NFIA: variants seen among roughly 807,000 people sequenced by gnomAD.
NFIA encodes the protein nuclear factor 1 A-type.
Under a neutral mutation model 62.8 loss-of-function variants are expected in NFIA, and 8 were observed. The observed-to-expected ratio is 0.13, with a 90% CI of 0.07 to 0.23. The LOEUF is 0.23. Ranked by LOEUF, NFIA falls within the 10% of genes least tolerant of loss-of-function variation. The pLI is 1.00. For missense variants in NFIA, 410 were observed against 642.1 expected, an observed-to-expected ratio of 0.64 and a Z score of 3.91; for synonymous variants, 235 against 238.1, an observed-to-expected ratio of 0.99 and a Z score of 0.12.
chr1:61,197,342 G>C (rs1393851256), intron 2 of NFIA, among the ~76,000 whole-genome samples: 2 of 148,736 alleles, frequency 1.3e-5, no homozygotes, highest in Non-Finnish European at 3.0e-5. Context: ...GGGTTCAAGC[G>C]ATTCTTCTGC....
chr1:61,247,987 A>C (rs770082788), intron 2 of NFIA, among the ~76,000 whole-genome samples: 6 of 152,110 alleles, frequency 3.9e-5, no homozygotes, highest in Non-Finnish European at 7.4e-5. Flanking sequence ...TAAAGGACTA[A>C]ATTTCCTTTT....
At chr1:61,164,876 C>T (rs1027337554) in intron 2 of NFIA, among the ~76,000 whole-genome samples, 1 of 152,110 alleles carries the variant, frequency 6.6e-6, no homozygotes, top group Non-Finnish European at 1.5e-5. Context: ...AACATGAAAC[C>T]CAACTGCAGG....
intron 9 of NFIA, among the ~76,000 whole-genome samples, chr1:61,408,118 A>G (rs1665935502): frequency 6.6e-6 from 1 of 152,262 alleles, no homozygotes; most frequent in Non-Finnish European, 1.5e-5. Flanking sequence ...ATATGCAGAA[A>G]TGAGCAGCAC....
intron 6 of NFIA, among the ~76,000 whole-genome samples, chr1:61,379,402 C>CTTTTTTTTTTTTTTTTTTTTTTTTTT (rs60735193): frequency 3.1e-5 from 3 of 98,266 alleles, no homozygotes; most frequent in Non-Finnish European, 5.9e-5. Flanking sequence ...TTTTCTTTTT[C>CTTTTTTTTTTTTTTTTTTTTTTTTTT]TTTTTTTTTT....
chr1:61,407,527 T>C (rs138351435), intron 9 of NFIA, among the ~76,000 whole-genome samples: 1 of 152,332 alleles, frequency 6.6e-6, no homozygotes, highest in East Asian at 1.9e-4. Context: ...TGCCTTTTAT[T>C]AGTGCCTGGA....
chr1:61,096,547 C>CTTTTTTTTTTTTTTTTT (rs369305204), intron 2 of NFIA, among the ~76,000 whole-genome samples: 1 of 80,606 alleles, frequency 1.2e-5, no homozygotes, highest in African/African-American at 5.4e-5. Flanking sequence ...AAGATTAGTT[C>CTTTTTTTTTTTTTTTTT]TTTTTTTTTT....
chr1:61,302,791 A>G (rs1659559390), intron 3 of NFIA, among the ~76,000 whole-genome samples: 1 of 152,188 alleles, frequency 6.6e-6, no homozygotes, highest in Middle Eastern at 3.2e-3. Context: ...TTCCTATTCA[A>G]TATGTATTTT....
intron 2 of NFIA, among the ~76,000 whole-genome samples, chr1:61,267,288 C>T (rs1049625953): frequency 6.6e-6 from 1 of 152,158 alleles, no homozygotes; most frequent in African/African-American, 2.4e-5. Flanking sequence ...GTGGGTGGAT[C>T]ACCTGAGGTC....
chr1:61,414,545 T>TGTTTTG (rs200174667), intron 9 of NFIA, among the ~76,000 whole-genome samples: 1 of 151,344 alleles, frequency 6.6e-6, no homozygotes, highest in African/African-American at 2.4e-5. Flanking sequence ...TGTTTTGTTT[T>TGTTTTG]TTTTTTTCAG....
Position 61,458,704 on chromosome 1 carries a change from T to TG in NFIA, c.*3385dup, listed in dbSNP as rs1491395062. Reference sequence around the variant, plus strand: ...CCTGTTTCCTTTTTTTTTTTTTTTTTGTAAGTATTTAAATACAATTATTTT... The same window carrying TG: ...CCTGTTTCCTTTTTTTTTTTTTTTTTGGTAAGTATTTAAATACAATTATTTT... On this transcript the variant is annotated 3_prime_UTR_variant, in exon 11 of 11. Coordinates refer to ENST00000403491, the MANE Select transcript of NFIA (RefSeq NM_001134673.4). 1 of 139,306 alleles carries TG rather than the reference T, an allele frequency of 7.2e-6. No homozygotes were observed. Among genetic ancestry groups the TG allele is most frequent in the Non-Finnish European group, 1.5e-5 (1 of 65,838 alleles). The allele number at this position is 139,306 out of a possible 1,614,324, so 8.6% of individuals were successfully genotyped here.
chr1:61,268,884 G>A (rs1275814568), intron 2 of NFIA, among the ~76,000 whole-genome samples: 1 of 151,998 alleles, frequency 6.6e-6, no homozygotes, highest in African/African-American at 2.4e-5. Context: ...ATGCATTATA[G>A]CCATCATCCC....
At chr1:61,150,253 GTCCCCCCA>G (rs1254379221) in intron 2 of NFIA, among the ~76,000 whole-genome samples, 1 of 152,198 alleles carries the variant, frequency 6.6e-6, no homozygotes, top group Non-Finnish European at 1.5e-5. Flanking sequence ...TGTGTCGCAT[GTCCCCCCA>G]TTGTGAGTTG....
intron 4 of NFIA, among the ~76,000 whole-genome samples, chr1:61,340,736 G>A (rs984647214): frequency 2.0e-5 from 3 of 152,004 alleles, no homozygotes; most frequent in East Asian, 3.9e-4. Context: ...ATTAAGAAGG[G>A]CCAATTTTAG....
intron 2 of NFIA, among the ~76,000 whole-genome samples, chr1:61,142,886 C>A (rs933062382): frequency 6.6e-6 from 1 of 152,142 alleles, no homozygotes; most frequent in African/African-American, 2.4e-5. Flanking sequence ...TGCTGTGGCT[C>A]CTGAACAGTG....
intron 1 of NFIA, among the ~76,000 whole-genome samples, 181 bp downstream of exon 1, chr1:61,082,999 G>GGA (rs1553148566): frequency 2.2e-5 from 3 of 133,894 alleles, no homozygotes; most frequent in South Asian, 2.9e-4. Context: ...TGGGGGGGGG[G>GGA]ATCCCGCTTA....
At chr1:61,114,695 T>C (rs951889229) in intron 2 of NFIA, among the ~76,000 whole-genome samples, 1 of 152,192 alleles carries the variant, frequency 6.6e-6, no homozygotes, top group African/African-American at 2.4e-5. Context: ...ACTTTTCTTC[T>C]TATCTTTTAA....
rs949853755 is a variant in NFIA, at chr1:61,460,299, A to G, written c.*4979A>G. 1 of 151,936 alleles carries G rather than the reference A, an allele frequency of 6.6e-6. No individual in the cohort carries two copies. Among genetic ancestry groups the G allele is most frequent in the African/African-American group, 2.4e-5 (1 of 41,356 alleles). The allele number at this position is 151,936 out of a possible 1,614,324, so 9.4% of individuals were successfully genotyped here. A position where few individuals can be genotyped will look rare whatever the true frequency, so the allele number is the denominator to read the frequency against. ...TTCCAATAAAAAAGCAGTGGGATGA[A>G]AATTGCTTTGATATATAGCAGGTAA... On this transcript the variant is annotated 3_prime_UTR_variant, in exon 11 of 11. Coordinates refer to ENST00000403491, the MANE Select transcript of NFIA (RefSeq NM_001134673.4).
At chr1:61,098,916 A>G (rs1467059721) in intron 2 of NFIA, among the ~76,000 whole-genome samples, 6 of 152,200 alleles carry the variant, frequency 3.9e-5, no homozygotes, top group African/African-American at 1.2e-4. Context: ...ACACAGTTCT[A>G]TGTCTGTGTA....
chr1:61,273,601 T>C (rs1162327883), intron 2 of NFIA, among the ~76,000 whole-genome samples: 1 of 152,190 alleles, frequency 6.6e-6, no homozygotes, highest in East Asian at 1.9e-4. Context: ...AAATTTCGTC[T>C]CTTCAGTTCA....
Sources: gnomAD v4.1 joint callset for allele counts (sites outside exome capture counted in the v4.1 genomes callset) on GRCh38, gnomAD v4.1.1 for gene constraint, MANE v1.5 for transcripts, NCBI Gene and HGNC (gene_info 2026-07-23, HGNC 2026-07-21) for gene names.